MSI2: variants seen among roughly 807,000 people sequenced by gnomAD.
MSI2 encodes the protein RNA-binding protein Musashi homolog 2.
In MSI2, 17 loss-of-function variants were observed where a neutral mutation model predicts 45.6. The ratio of observed to expected loss-of-function variants is 0.37; its 90% CI spans 0.26 to 0.56. The LOEUF is 0.56. Among genes scored for constraint, MSI2 ranks in the 20% least tolerant of loss-of-function variants. The pLI is 0.77. For missense variants in MSI2, 293 were observed against 444.2 expected (o/e 0.66, Z 3.06); for synonymous variants, 156 against 158.2 (o/e 0.99, Z 0.11).
At chr17:57,287,963 C>G (rs1910077547) in intron 5 of MSI2, among the ~76,000 whole-genome samples, 4 of 152,152 alleles carry the variant, frequency 2.6e-5, no homozygotes, top group Admixed American at 6.5e-5. Context: ...CCAGGAGGAG[C>G]AGGAGGAGCT....
intron 6 of MSI2, among the ~76,000 whole-genome samples, chr17:57,488,281 C>T (rs773991135): frequency 2.7e-4 from 41 of 152,298 alleles, no homozygotes; most frequent in African/African-American, 8.7e-4. Context: ...CCTAAACATC[C>T]GCCTCCTTGC....
intron 10 of MSI2, among the ~76,000 whole-genome samples, chr17:57,637,721 C>T (rs1909946870): frequency 2.6e-5 from 4 of 152,270 alleles, no homozygotes; most frequent in East Asian, 1.9e-4. Flanking sequence ...TTAGTCGGAC[C>T]GGGAATGATC....
In MSI2 at chr17:57,591,494, A is replaced by G. The variant is rs146004420; in HGVS notation, c.455-5374A>G. Among the ~76,000 whole-genome samples, 798 of 152,312 alleles carry G rather than the reference A, an allele frequency of 5.2e-3. 11 individuals carry two copies. The highest frequency in any genetic ancestry group is 0.018 in the African/African-American group (737 of 41,570). ...TCCCAACACTTTGGGAGGCTGAGGCAGGAGGATCGCTTGAGCCCAGGAGTT... is the reference window on the plus strand; with the variant it reads ...TCCCAACACTTTGGGAGGCTGAGGCGGGAGGATCGCTTGAGCCCAGGAGTT... On this transcript the variant is annotated intron_variant, in intron 7 of 13. Transcript: ENST00000284073.
intron 6 of MSI2, among the ~76,000 whole-genome samples, chr17:57,465,913 A>G (rs573099289): frequency 1.0e-3 from 157 of 152,342 alleles, no homozygotes; most frequent in African/African-American, 3.7e-3. Flanking sequence ...TCCAAAGTCT[A>G]TTAGGCGGCA....
rs906621200 is a variant in MSI2, at chr17:57,387,217, T to C, written c.313-14162T>C. Among the ~76,000 whole-genome samples, 4 of 152,356 alleles carry C rather than the reference T, an allele frequency of 2.6e-5. No homozygotes were observed. In the East Asian group the frequency reaches 5.8e-4, roughly 22 times the overall value. ...GTTGGCCTAGTGCAAGTGTTTTAAA[T>C]AGAACAGACATCATGGCTATAAAAC... On this transcript the variant is annotated intron_variant, in intron 5 of 13. Coordinates refer to ENST00000284073, the MANE Select transcript of MSI2 (RefSeq NM_138962.4).
At chr17:57,413,912 A>G (rs954702353) in intron 6 of MSI2, among the ~76,000 whole-genome samples, 2 of 151,878 alleles carry the variant, frequency 1.3e-5, no homozygotes, top group African/African-American at 4.9e-5. Flanking sequence ...CGCATCATTC[A>G]TTTGTTCATT....
At chr17:57,375,573 T>C (rs1471845369) in intron 5 of MSI2, among the ~76,000 whole-genome samples, 1 of 152,136 alleles carries the variant, frequency 6.6e-6, no homozygotes, top group Non-Finnish European at 1.5e-5. Context: ...CCAGAGCTTC[T>C]TGGAATAGTT....
chr17:57,558,243 G>T (rs2087485821), intron 7 of MSI2, among the ~76,000 whole-genome samples: 1 of 152,176 alleles, frequency 6.6e-6, no homozygotes, highest in African/African-American at 2.4e-5. Context: ...GCCATTTCTA[G>T]TCACCACGCA....
chr17:57,615,837 C>T, intron 8 of MSI2, 133 bp from the exon 9 acceptor site: 1 of 651,096 alleles, frequency 1.5e-6, no homozygotes. Flanking sequence ...AGGCCATTTA[C>T]TCGGCATGGC....
intron 8 of MSI2, among the ~76,000 whole-genome samples, chr17:57,612,313 G>A (rs1907254511): frequency 1.1e-5 from 1 of 94,624 alleles, no homozygotes; most frequent in Non-Finnish European, 2.5e-5. Context: ...GGTCCCCAAA[G>A]CCTAGCACTT....
intron 6 of MSI2, among the ~76,000 whole-genome samples, chr17:57,423,717 A>G (rs550090622): frequency 4.7e-4 from 72 of 152,244 alleles, no homozygotes; most frequent in African/African-American, 1.7e-3. Flanking sequence ...AGTCAAATAT[A>G]AAATTTTTCA....
chr17:57,356,259 A>G (rs1262135957), intron 5 of MSI2, among the ~76,000 whole-genome samples: 1 of 151,980 alleles, frequency 6.6e-6, no homozygotes, highest in Non-Finnish European at 1.5e-5. Flanking sequence ...CACATACCAG[A>G]TCTCCCCTCT....
intron 5 of MSI2, among the ~76,000 whole-genome samples, chr17:57,361,380 G>A (rs925574877): frequency 1.3e-5 from 2 of 151,902 alleles, no homozygotes; most frequent in African/African-American, 4.8e-5. Context: ...GCGGGCAGAT[G>A]GACTGAGCTC....
intron 6 of MSI2, among the ~76,000 whole-genome samples, chr17:57,496,673 A>C (rs2143837794): frequency 6.6e-6 from 1 of 152,282 alleles, no homozygotes; most frequent in South Asian, 2.1e-4. Flanking sequence ...GCCCTTCCCC[A>C]TCCCTGGCTC....
At chr17:57,363,838 C>T (rs73325459) in intron 5 of MSI2, among the ~76,000 whole-genome samples, 3,754 of 152,176 alleles carry the variant, frequency 0.025, 168 homozygotes, top group African/African-American at 0.086. Context: ...TGATGGGAAG[C>T]CTTATGTGGG....
At chr17:57,400,379 T>C (rs1330559314) in intron 5 of MSI2, among the ~76,000 whole-genome samples, 1 of 152,162 alleles carries the variant, frequency 6.6e-6, no homozygotes, top group African/African-American at 2.4e-5. Context: ...GTTAATGTCA[T>C]TGAGCTTCCT....
At chr17:57,295,893 A>G (rs951737648) in intron 5 of MSI2, among the ~76,000 whole-genome samples, 8 of 151,558 alleles carry the variant, frequency 5.3e-5, no homozygotes, top group African/African-American at 1.7e-4. Context: ...AAGGAATTCC[A>G]TAGAACTTTT....
At chr17:57,553,245 A>C (rs1246190489) in intron 7 of MSI2, among the ~76,000 whole-genome samples, 1 of 152,220 alleles carries the variant, frequency 6.6e-6, no homozygotes, top group East Asian at 1.9e-4. Flanking sequence ...ACTGGGGACC[A>C]TAGTGGATGC....
chr17:57,671,985 G>A (rs35214491), intron 11 of MSI2, among the ~76,000 whole-genome samples: 11,860 of 152,224 alleles, frequency 0.078, 588 homozygotes, highest in Middle Eastern at 0.12. Context: ...TCTTCCATGC[G>A]CCCAGCCCTC....
Sources: gnomAD v4.1 joint callset for allele counts (sites outside exome capture counted in the v4.1 genomes callset) on GRCh38, gnomAD v4.1.1 for gene constraint, MANE v1.5 for transcripts, NCBI Gene and HGNC (gene_info 2026-07-23, HGNC 2026-07-21) for gene names.